Variants in EMC3 observed in about 807,000 individuals in gnomAD.
EMC3 encodes 30 kDa protein.
In EMC3, 13 loss-of-function variants were observed where a neutral mutation model predicts 36.6. The ratio of observed to expected loss-of-function variants is 0.35; its 90% confidence interval spans 0.23 to 0.56. EMC3 has a LOEUF of 0.56. Among genes scored for constraint, EMC3 ranks in the 20% least tolerant of loss-of-function variants. EMC3 has a pLI of 0.84. For synonymous variants in EMC3, 120 were observed against 111.9 expected (o/e 1.07, Z -0.46); for missense variants, 220 against 324.5 (o/e 0.68, Z 2.47).
chr3:9,976,625 G>A (rs952633077), intron 3 of EMC3, among the ~76,000 whole-genome samples: 3 of 152,144 alleles, frequency 2.0e-5, no homozygotes, highest in African/African-American at 7.2e-5. Context: ...CAGCCAGGCT[G>A]GAATGCTTTA....
upstream of EMC3, among the ~76,000 whole-genome samples, chr3:9,989,904 C>T (rs189969469): frequency 8.9e-4 from 134 of 150,146 alleles, no homozygotes; most frequent in Middle Eastern, 7.0e-3. Flanking sequence ...GTGGAGCATT[C>T]AGTTAAGAGA....
At chr3:9,987,021 C>T, upstream of EMC3, 2 of 1,032,478 alleles carry the variant, frequency 1.9e-6, no homozygotes, top group Non-Finnish European at 2.3e-6. Context: ...CGAGACCATC[C>T]TGGCTAACAG....
intron 7 of EMC3, 197 bp downstream of exon 7, chr3:9,969,522 A>G (rs1275772477): frequency 6.8e-7 from 1 of 1,463,384 alleles, no homozygotes; most frequent in East Asian, 2.6e-5. Flanking sequence ...AAAAACCAGT[A>G]AAAGCACCAA....
At chr3:9,972,222 G>A (rs892810303) in intron 5 of EMC3, among the ~76,000 whole-genome samples, 5 of 141,794 alleles carry the variant, frequency 3.5e-5, no homozygotes, top group Non-Finnish European at 6.1e-5. Context: ...TAGTAGTAAT[G>A]TACTTTGGAA....
intron 7 of EMC3, chr3:9,968,651 CTT>C: frequency 1.4e-5 from 2 of 146,646 alleles, no homozygotes; most frequent in South Asian, 2.2e-4. Context: ...AAATTTCTCT[CTT>C]TTTTTTTTTG....
intron 1 of EMC3, chr3:10,007,522 C>T (rs140594577): frequency 2.9e-6 from 4 of 1,367,578 alleles, no homozygotes; most frequent in East Asian, 9.1e-5. Flanking sequence ...ATAACAGTGG[C>T]ATGAAGCGCT....
Position 9,986,533 on chromosome 3 carries a change from C to T in EMC3, c.129G>A (p.Lys43=). The T allele has an allele frequency of 6.2e-7, 1 of 1,614,186 alleles. No individual in the cohort carries two copies. The highest frequency in any genetic ancestry group is 8.5e-7 in the Non-Finnish European group (1 of 1,180,030). Residue 43 remains lysine (K), a synonymous_variant, in exon 1 of 8, where the codon AAG becomes AAA. Coordinates refer to ENST00000245046, the MANE Select transcript of EMC3 (RefSeq NM_001394674.1). ...TGTCAGATACTTGTTCCTGGGTGAG[C>T]TTCTTGTCGCTCTGCAGCAGGATGG... The part of the protein sequence containing the change: ...YVSILLQSDK[K]LTQEQVSDSQ...
chr3:9,969,517 C>A (rs2085763890), intron 7 of EMC3: 1 of 1,451,900 alleles, frequency 6.9e-7, no homozygotes, highest in Admixed American at 2.4e-5. Flanking sequence ...CATTTAAAAA[C>A]CAGTAAAAGC....
At chr3:9,969,244 G>A in intron 7 of EMC3, 2 of 821,602 alleles carry the variant, frequency 2.4e-6, no homozygotes, top group South Asian at 2.6e-5. Context: ...ACACGTGTGA[G>A]CCCCTGTGCC....
At chr3:10,002,577 C>G (rs2086216719) in intron 1 of EMC3, 1 of 354,570 alleles carries the variant, frequency 2.8e-6, no homozygotes, top group Non-Finnish European at 5.6e-6. Context: ...TGAGCCACCG[C>G]GCCAAGCCTT....
chr3:9,986,433 T>C lies in EMC3; in HGVS notation c.155+74A>G, dbSNP rs1314875706. The C allele has an allele frequency of 9.6e-6, 15 of 1,569,052 alleles. No individual in the cohort carries two copies. The Middle Eastern group carries it at 6.4e-4, about 67-fold the overall frequency. On this transcript the variant is annotated intron_variant, in intron 1 of 7. Transcript: ENST00000245046. The stretch of plus-strand genomic sequence containing the variant: ...GGGGCGCGACGTGAACCTAGGCAAA[T>C]TGACACAACTCCTGCACTTTTTTGC...
At chr3:10,006,663 T>C in intron 1 of EMC3, 1 of 191,122 alleles carries the variant, frequency 5.2e-6, no homozygotes, top group Non-Finnish European at 1.1e-5. Flanking sequence ...GGGAGGGGGG[T>C]TGTCAGTTAA....
chr3:9,998,582 A>C, intron 1 of EMC3, among the ~76,000 whole-genome samples: 1 of 150,486 alleles, frequency 6.6e-6, no homozygotes, highest in African/African-American at 2.4e-5. Flanking sequence ...GGTACCTGCC[A>C]CCTCTCCTGG....
chr3:9,992,906 C>T lies in EMC3; in HGVS notation c.-241-6004G>A, dbSNP rs1262485551. The T allele has an allele frequency of 2.5e-6, 4 of 1,606,898 alleles. No homozygotes were observed. In the East Asian group the frequency reaches 8.9e-5, roughly 36 times the overall value. On this transcript the variant is annotated intron_variant, in intron 1 of 8. Transcript: ENST00000470827. ...TGATGCTTTTCATCATCTATAGCAC[C>T]AATACTCAGACAAAGAAGTACATTG... is the stretch of plus-strand genomic sequence containing the variant.
chr3:9,986,618 C>G lies in EMC3; in HGVS notation c.44G>C (p.Trp15Ser), dbSNP rs769521213. ...GATGATAACGATGGGTAGGACCACC[C>G]AGAGGCGGATGTTGGAGTCGAGCAA... is the stretch of plus-strand genomic sequence containing the variant. ...ELLLDSNIRL[W>S]VVLPIVIITF... The change falls in exon 1 of 8, where the codon TGG (tryptophan) becomes TCG (serine). Residue 15 changes from tryptophan (W) to serine (S), a missense_variant. This residue lies in a region of EMC3 where 127 missense variants were observed against 174.6 expected (regional missense o/e 0.73). Transcript: ENST00000245046. 3 of 1,614,230 alleles carry G rather than the reference C, an allele frequency of 1.9e-6. No homozygotes were observed. Among genetic ancestry groups the G allele is most frequent in the South Asian group, 1.1e-5 (1 of 91,084 alleles).
intron 5 of EMC3, among the ~76,000 whole-genome samples, chr3:9,971,294 C>G (rs1227038098): frequency 2.0e-5 from 3 of 152,156 alleles, no homozygotes; most frequent in African/African-American, 7.2e-5. Context: ...ACTGGGAGAG[C>G]CATTCCAAGT....
chr3:9,974,567 G>GTT, intron 3 of EMC3, 79 bp from the exon 4 acceptor site: 6 of 969,208 alleles, frequency 6.2e-6, no homozygotes, highest in Non-Finnish European at 9.7e-6. Context: ...TCTGTAAACT[G>GTT]TTTTTTTTTG....
In EMC3 at chr3:9,986,576, A is replaced by C; in HGVS notation, c.86T>G (p.Met29Arg). Residue 29 changes from methionine (M) to arginine (R), a missense_variant, in exon 1 of 8, where the codon ATG becomes AGG. Around this residue, in one of 3 missense-constraint regions of EMC3, gnomAD observed 127 missense variants for 174.6 expected, o/e 0.73. Coordinates refer to ENST00000245046, the MANE Select transcript of EMC3 (RefSeq NM_001394674.1). The part of the protein sequence containing the change: ...PIVIITFFVG[M>R]IRHYVSILLQ... The stretch of plus-strand genomic sequence containing the variant: ...CAGGATGGACACGTAGTGGCGGATC[A>C]TGCCTACGAAGAAAGTGATGATAAC... The C allele has an allele frequency of 6.2e-7, 1 of 1,614,220 alleles. No individual in the cohort carries two copies. Among genetic ancestry groups the C allele is most frequent in the Non-Finnish European group, 8.5e-7 (1 of 1,180,026 alleles).
At chr3:9,970,240 A>G (rs2085771437) in intron 6 of EMC3, among the ~76,000 whole-genome samples, 1 of 152,206 alleles carries the variant, frequency 6.6e-6, no homozygotes, top group Non-Finnish European at 1.5e-5. Context: ...CAAGAGAGCA[A>G]GGATTAGTAC....
Sources: gnomAD v4.1 joint callset for allele counts (sites outside exome capture counted in the v4.1 genomes callset) on GRCh38, gnomAD v4.1.1 for gene constraint, gnomAD v4.1.1 regional missense constraint, MANE v1.5 for transcripts, NCBI Gene and HGNC (gene_info 2026-07-23, HGNC 2026-07-21) for gene names.